The following GALNT15 variants were observed in gnomAD, a reference collection of about 807,000 sequenced individuals.
The protein encoded by GALNT15 is UDP-GalNAc transferase T15.
A neutral mutation model predicts 66.8 loss-of-function variants in GALNT15; 67 were observed. The ratio of observed to expected loss-of-function variants is 1.00; its 90% CI spans 0.82 to 1.23. The LOEUF is 1.23. Ranked by LOEUF, GALNT15 falls within the 50% of genes most tolerant of loss-of-function variation. GALNT15 has a pLI of 0.00. For missense variants in GALNT15, 827 were observed against 804.3 expected (o/e 1.03, Z -0.34); for synonymous variants, 313 against 311.5 (o/e 1.00, Z -0.05).
At chr3:16,185,324 T>C (rs1574970742) in intron 1 of GALNT15, among the ~76,000 whole-genome samples, 2 of 152,200 alleles carry the variant, frequency 1.3e-5, no homozygotes, top group East Asian at 3.8e-4. Flanking sequence ...GTATTCTTCA[T>C]GAGGAGGAAG....
chr3:16,216,687 C>G (rs548320116), intron 6 of GALNT15, among the ~76,000 whole-genome samples: 7 of 152,298 alleles, frequency 4.6e-5, no homozygotes, highest in Middle Eastern at 3.4e-3. Flanking sequence ...GGGGGCTGTT[C>G]ACACGTGCAG....
intron 6 of GALNT15, among the ~76,000 whole-genome samples, chr3:16,216,802 T>C (rs1418937710): frequency 6.6e-6 from 1 of 152,218 alleles, no homozygotes; most frequent in East Asian, 1.9e-4. Flanking sequence ...AGGAAGGTCA[T>C]GTACCAGTTA....
In GALNT15 at chr3:16,180,070, G is replaced by A. The variant is rs900250606; in HGVS notation, c.539+4380G>A. 2.0e-5 allele frequency among the ~76,000 whole-genome samples: 3 copies of A among 152,160 alleles called. No homozygotes were observed. The highest frequency in any genetic ancestry group is 4.8e-5 in the African/African-American group (2 of 41,434). On this transcript the variant is annotated intron_variant, in intron 1 of 9. Coordinates refer to ENST00000339732, the MANE Select transcript of GALNT15 (RefSeq NM_054110.5). This position sits in a 1 kb window ranked among gnomAD's most constrained non-coding sequence, Gnocchi z 5.0. Reference sequence around the variant, plus strand: ...CCAGTGCTTTGTAATCTACATCTACGGCTGAACTTGAGCGTGCATCCGAAC... The same window carrying A: ...CCAGTGCTTTGTAATCTACATCTACAGCTGAACTTGAGCGTGCATCCGAAC...
rs542106465 is a variant in GALNT15 at position 16,204,954 on chromosome 3, T to TGC, written c.912-3548_912-3547insCG. ...GGGGGGGAGCGAGCATGTGCGTGCGTGTGTGTGTGCGCGCGCATGTGCGCG... is the reference window on the plus strand; with the variant it reads ...GGGGGGGAGCGAGCATGTGCGTGCGTGCGTGTGTGTGCGCGCGCATGTGCGCG... On this transcript the variant is annotated intron_variant, in intron 3 of 9. Transcript: ENST00000339732. This position sits in a 1 kb window ranked among gnomAD's most constrained non-coding sequence, Gnocchi z 4.5. Among the ~76,000 whole-genome samples the TGC allele has an allele frequency of 3.9e-4, 60 of 152,094 alleles. No homozygotes were observed. The East Asian group carries it at 4.8e-3, about 12-fold the overall frequency.
At chr3:16,217,866 C>A (rs2063896271) in intron 6 of GALNT15, among the ~76,000 whole-genome samples, 1 of 152,098 alleles carries the variant, frequency 6.6e-6, no homozygotes, top group South Asian at 2.1e-4. Context: ...ACAAAGAATG[C>A]CAAGAAGCCA....
Position 16,176,519 on chromosome 3 carries a change from C to A in GALNT15, c.539+829C>A, listed in dbSNP as rs1287321370. 6.6e-6 allele frequency among the ~76,000 whole-genome samples: 1 copy of A among 152,168 alleles called. No individual in the cohort carries two copies. Among genetic ancestry groups the A allele is most frequent in the Non-Finnish European group, 1.5e-5 (1 of 68,024 alleles). On this transcript the variant is annotated intron_variant, in intron 1 of 9. Coordinates refer to ENST00000339732, the MANE Select transcript of GALNT15 (RefSeq NM_054110.5). This position sits in a 1 kb window ranked among gnomAD's most constrained non-coding sequence, Gnocchi z 5.6. ...ACTGCAATTTACCCTGCCAGGGCAG[C>A]CCCAGCCCCAGGAGGTAAGCTGAGA...
Position 16,209,502 on chromosome 3 carries a change from A to C in GALNT15, c.1079+832A>C, listed in dbSNP as rs1182142963. Among the ~76,000 whole-genome samples, 3 of 152,170 alleles carry C rather than the reference A, an allele frequency of 2.0e-5. No homozygotes were observed. Among genetic ancestry groups the C allele is most frequent in the Admixed American group, 6.5e-5 (1 of 15,270 alleles). On this transcript the variant is annotated intron_variant, in intron 4 of 9. Coordinates refer to ENST00000339732, the MANE Select transcript of GALNT15 (RefSeq NM_054110.5). The surrounding 1 kb of genome is among the most constrained non-coding windows in gnomAD (Gnocchi z 4.1). ...TTGCAAAATCCAAAAAGCTCTAAAA[A>C]CCAAACATTTGTTTAATAATTCATT... is the stretch of plus-strand genomic sequence containing the variant.
rs779531679 is a variant in GALNT15 at position 16,182,509 on chromosome 3, G to A, written c.539+6819G>A. Among the ~76,000 whole-genome samples, 21 of 152,248 alleles carry A rather than the reference G, an allele frequency of 1.4e-4. No homozygotes were observed. Among genetic ancestry groups the A allele is most frequent in the Non-Finnish European group, 2.9e-4 (20 of 68,042 alleles). On this transcript the variant is annotated intron_variant, in intron 1 of 9. Coordinates refer to ENST00000339732, the MANE Select transcript of GALNT15 (RefSeq NM_054110.5). The surrounding 1 kb of genome is among the most constrained non-coding windows in gnomAD (Gnocchi z 6.1). ...CAAGTTTACACAGGAAGTAAGTAAG[G>A]AACAGGGAACTGTCCAGACAAGGTT...
rs971702014 is a variant in GALNT15 at position 16,225,549 on chromosome 3, G to C, written c.1774-1805G>C. On this transcript the variant is annotated intron_variant, in intron 9 of 9. Transcript: ENST00000339732. The surrounding 1 kb of genome is among the most constrained non-coding windows in gnomAD (Gnocchi z 4.4). ...GTTTCTACTAAAAACACAAAAACTA[G>C]CCAGGTGTGGTGGTGCACACCTCTA... Among the ~76,000 whole-genome samples the C allele has an allele frequency of 6.6e-6, 1 of 151,562 alleles. No individual in the cohort carries two copies. The highest frequency in any genetic ancestry group is 1.5e-5 in the Non-Finnish European group (1 of 67,924).
In GALNT15 at chr3:16,224,007, T is replaced by C. The variant is rs1020571899; in HGVS notation, c.1773+1249T>C. ...CATGTCTGGCCTCAAAGAAGTCTTA[T>C]GAGTCAAGTTAAGGTCCTTTATAAA... On this transcript the variant is annotated intron_variant, in intron 9 of 9. Transcript: ENST00000339732. The surrounding 1 kb of genome is among the most constrained non-coding windows in gnomAD (Gnocchi z 5.2). 3.9e-5 allele frequency among the ~76,000 whole-genome samples: 6 copies of C among 152,176 alleles called. No individual in the cohort carries two copies. The highest frequency in any genetic ancestry group is 3.9e-4 in the Admixed American group (6 of 15,278).
At chr3:16,177,365 AT>A (rs2063421162) in intron 1 of GALNT15, among the ~76,000 whole-genome samples, 1 of 152,242 alleles carries the variant, frequency 6.6e-6, no homozygotes, top group African/African-American at 2.4e-5. Flanking sequence ...GTGTGTTTGC[AT>A]AGTGCAAATG....
At chr3:16,235,938 C>T (rs1328338658), downstream of GALNT15, among the ~76,000 whole-genome samples, 1 of 151,352 alleles carries the variant, frequency 6.6e-6, no homozygotes, top group African/African-American at 2.4e-5. Context: ...AACCCTGCCC[C>T]TACTAAAAAT....
chr3:16,175,750 C>A lies in GALNT15; in HGVS notation c.539+60C>A. The A allele has an allele frequency of 6.9e-7, 1 of 1,451,136 alleles. No individual in the cohort carries two copies. The highest frequency in any genetic ancestry group is 9.2e-7 in the Non-Finnish European group (1 of 1,085,866). 89.9% of individuals were successfully genotyped at this position (1,451,136 alleles called of 1,614,324 possible). A position where few individuals can be genotyped will look rare whatever the true frequency, so the allele number is the denominator to read the frequency against. The stretch of plus-strand genomic sequence containing the variant: ...CAGGGCATGATCGGGTGGTAGCAAA[C>A]TCGGGAATGCAAACTTTCCGTAGCC... On this transcript the variant is annotated intron_variant, in intron 1 of 9. Transcript: ENST00000339732. The surrounding 1 kb of genome is among the most constrained non-coding windows in gnomAD (Gnocchi z 5.6).
chr3:16,230,188 C>A (rs540825873), downstream of GALNT15, among the ~76,000 whole-genome samples: 25 of 152,290 alleles, frequency 1.6e-4, no homozygotes, highest in African/African-American at 6.0e-4. The surrounding 1 kb of genome is among the most constrained non-coding windows in gnomAD (Gnocchi z 4.5). Context: ...TCATTATTAA[C>A]TATACCACTG....
chr3:16,228,082 G>A lies in GALNT15; in HGVS notation c.*582G>A, dbSNP rs1375976145. The A allele has an allele frequency of 1.0e-6, 1 of 986,148 alleles. No homozygotes were observed. The highest frequency in any genetic ancestry group is 1.2e-6 in the Non-Finnish European group (1 of 830,172). The allele number at this position is 986,148 out of a possible 1,614,324, so 61.1% of individuals were successfully genotyped here. A position where few individuals can be genotyped will look rare whatever the true frequency, so the allele number is the denominator to read the frequency against. On this transcript the variant is annotated 3_prime_UTR_variant, in exon 10 of 10. Transcript: ENST00000339732. ...TGCAGAGAAGATGCAAGAGCACTTT[G>A]GCCCAATTCTCCAGCTCAACCCAGC...
chr3:16,229,148 G>A lies in GALNT15; in HGVS notation c.*1648G>A, dbSNP rs1256006670. 1 of 985,252 alleles carries A rather than the reference G, an allele frequency of 1.0e-6. No homozygotes were observed. Among genetic ancestry groups the A allele is most frequent in the African/African-American group, 1.7e-5 (1 of 57,230 alleles). 61.0% of individuals were successfully genotyped at this position (985,252 alleles called of 1,614,324 possible). The stretch of plus-strand genomic sequence containing the variant: ...TCAGAACACAGTATCCTTCAAATAA[G>A]AAAAACTGAGTGGGAAGTGCAGTGT... On this transcript the variant is annotated 3_prime_UTR_variant, in exon 10 of 10. Coordinates refer to ENST00000339732, the MANE Select transcript of GALNT15 (RefSeq NM_054110.5).
intron 1 of GALNT15, among the ~76,000 whole-genome samples, chr3:16,179,908 G>A (rs1340081309): frequency 6.6e-6 from 1 of 152,132 alleles, no homozygotes; most frequent in Non-Finnish European, 1.5e-5. Flanking sequence ...GGGGCGGGAG[G>A]AACAAGCCCG....
Position 16,181,701 on chromosome 3 carries a change from T to G in GALNT15, c.539+6011T>G, listed in dbSNP as rs183881768. On this transcript the variant is annotated intron_variant, in intron 1 of 9. Transcript: ENST00000339732. This position sits in a 1 kb window ranked among gnomAD's most constrained non-coding sequence, Gnocchi z 5.9. ...TAAATCCAAGAGAGCAGACATGCCCTTCGGGATGAGGGACAAGAACAGGAA... is the reference window on the plus strand; with the variant it reads ...TAAATCCAAGAGAGCAGACATGCCCGTCGGGATGAGGGACAAGAACAGGAA... Among the ~76,000 whole-genome samples, 3 of 152,234 alleles carry G rather than the reference T, an allele frequency of 2.0e-5. No individual in the cohort carries two copies. The highest frequency in any genetic ancestry group is 6.5e-5 in the Admixed American group (1 of 15,294).
intron 8 of GALNT15, among the ~76,000 whole-genome samples, chr3:16,220,758 G>A (rs1218345092): frequency 6.6e-6 from 1 of 152,214 alleles, no homozygotes. Context: ...GCAAAAGACA[G>A]CATCTCTCTG....
Sources: allele counts gnomAD v4.1 joint callset (sites outside exome capture counted in the v4.1 genomes callset), GRCh38; gene constraint gnomAD v4.1.1; non-coding constraint Gnocchi (gnomAD v3.1); transcripts MANE v1.5; gene names NCBI Gene and HGNC (gene_info 2026-07-23, HGNC 2026-07-21).